The following PCDHGA5 variants were observed in gnomAD, a reference collection of about 807,000 sequenced individuals.
PCDHGA5 encodes protocadherin gamma subfamily A, 5.
PCDHGA5 carries 36 observed loss-of-function variants against 56.7 expected under a neutral mutation model. The observed-to-expected ratio is 0.64, with a 90% CI of 0.49 to 0.84. PCDHGA5 has a LOEUF of 0.84. Among genes scored for constraint, PCDHGA5 ranks in the 40% least tolerant of loss-of-function variants. The probability of loss-of-function intolerance (pLI) is 0.00; values close to 1 mark genes in which losing one functional copy is unlikely to be tolerated. For synonymous variants in PCDHGA5, 563 were observed against 520.2 expected (o/e 1.08, Z -1.12); for missense variants, 1,305 against 1,201.5 (o/e 1.09, Z -1.27).
intron 2 of PCDHGA5, 88 bp from the exon 3 acceptor site, chr5:141,505,305 C>G (rs1363643214): frequency 1.0e-5 from 16 of 1,595,104 alleles, no homozygotes; most frequent in African/African-American, 2.7e-5. Flanking sequence ...GGTTAGGGTA[C>G]TAGGTTTGGG....
chr5:141,375,593 T>C (rs922478028), intron 1 of PCDHGA5: 1 of 1,614,024 alleles, frequency 6.2e-7, no homozygotes, highest in African/African-American at 1.3e-5. Flanking sequence ...CCTGTCCTCC[T>C]ACGTGTCCAT....
chr5:141,478,292 C>T, intron 1 of PCDHGA5: 1 of 1,614,146 alleles, frequency 6.2e-7, no homozygotes, highest in Non-Finnish European at 8.5e-7. Flanking sequence ...GTCTAGAGAC[C>T]TATACCGAGC....
In PCDHGA5 at chr5:141,489,071, CA is replaced by C; in HGVS notation, c.2422-5735del. 3.1e-6 allele frequency: 1 copy of C among 326,700 alleles called. No homozygotes were observed. Among genetic ancestry groups the C allele is most frequent in the East Asian group, 5.9e-5 (1 of 17,012 alleles). 20.2% of individuals were successfully genotyped at this position (326,700 alleles called of 1,614,324 possible). A position where few individuals can be genotyped will look rare whatever the true frequency, so the allele number is the denominator to read the frequency against. On this transcript the variant is annotated intron_variant, in intron 1 of 3. Transcript: ENST00000518069. This position sits in a 1 kb window ranked among gnomAD's most constrained non-coding sequence, Gnocchi z 4.5. Reference sequence around the variant, plus strand: ...AAATTCAGCTCCCCTCCCCCCTGCCCACCCCCGCCACTCGGTGACTAAGAAC... The same window carrying C: ...AAATTCAGCTCCCCTCCCCCCTGCCCCCCCCGCCACTCGGTGACTAAGAAC...
intron 1 of PCDHGA5, chr5:141,419,367 C>T (rs1157934416): frequency 6.2e-7 from 1 of 1,613,652 alleles, no homozygotes; most frequent in Admixed American, 1.7e-5. Context: ...ACGCTGTCGT[C>T]CTACGTGTCC....
intron 1 of PCDHGA5, chr5:141,388,568 AC>A: frequency 6.2e-7 from 1 of 1,613,888 alleles, no homozygotes; most frequent in East Asian, 2.2e-5. Context: ...CTGCACAGAT[AC>A]ACGTTCTAGT....
At chr5:141,458,803 G>A (rs2098953701) in intron 1 of PCDHGA5, among the ~76,000 whole-genome samples, 2 of 152,130 alleles carry the variant, frequency 1.3e-5, no homozygotes, top group African/African-American at 4.8e-5. Flanking sequence ...TGTGATCTCA[G>A]CTCACTGCAA....
chr5:141,482,245 G>A (rs72790067), intron 1 of PCDHGA5, among the ~76,000 whole-genome samples: 74 of 152,252 alleles, frequency 4.9e-4, no homozygotes, highest in Non-Finnish European at 7.9e-4. Flanking sequence ...TATAAGTATA[G>A]TACTGTACAT....
chr5:141,484,930 G>A (rs992641330), intron 1 of PCDHGA5: 2 of 501,452 alleles, frequency 4.0e-6, no homozygotes, highest in South Asian at 2.6e-5. Flanking sequence ...CTGCTGTTGG[G>A]ACGTTCTCTG....
rs374655655 is a variant in PCDHGA5, at chr5:141,431,023, C to A, written c.2422-63784C>A. 1 of 1,613,748 alleles carries A rather than the reference C, an allele frequency of 6.2e-7. No homozygotes were observed. The highest frequency in any genetic ancestry group is 2.2e-5 in the East Asian group (1 of 44,862). On this transcript the variant is annotated intron_variant, in intron 1 of 3. Coordinates refer to ENST00000518069, the MANE Select transcript of PCDHGA5 (RefSeq NM_018918.3). The surrounding 1 kb of genome is among the most constrained non-coding windows in gnomAD (Gnocchi z 4.8). ...GCAGCGGCAGCTTGGTCACGGCGGG[C>A]AGGATAGACCGGGAGGAGCTCTGTA...
intron 1 of PCDHGA5, among the ~76,000 whole-genome samples, chr5:141,482,832 G>A (rs2099573281): frequency 6.6e-6 from 1 of 152,188 alleles, no homozygotes; most frequent in Non-Finnish European, 1.5e-5. Flanking sequence ...AGCACTTTGG[G>A]AGGCCAAGGT....
chr5:141,472,254 T>C (rs1031738513), intron 1 of PCDHGA5, among the ~76,000 whole-genome samples: 1 of 152,074 alleles, frequency 6.6e-6, no homozygotes, highest in Admixed American at 6.6e-5. Context: ...TTTAAAGTTA[T>C]ATTATAGCCG....
intron 1 of PCDHGA5, chr5:141,389,893 T>C (rs764580902): frequency 2.9e-5 from 46 of 1,613,976 alleles, no homozygotes; most frequent in Non-Finnish European, 3.6e-5. Context: ...CAGGAGGTGC[T>C]GCCGGATATC....
At chr5:141,383,189 C>A (rs1588938013) in intron 1 of PCDHGA5, 1 of 1,614,068 alleles carries the variant, frequency 6.2e-7, no homozygotes, top group Non-Finnish European at 8.5e-7. Context: ...GAGATCTGCG[C>A]TCAGAGTGCG....
intron 1 of PCDHGA5, chr5:141,478,865 T>G: frequency 7.5e-7 from 1 of 1,326,190 alleles, no homozygotes; most frequent in Non-Finnish European, 1.0e-6. Context: ...ATCTCAGCGA[T>G]CAGAGTTTAG....
intron 1 of PCDHGA5, among the ~76,000 whole-genome samples, chr5:141,397,821 T>C (rs1225096146): frequency 2.0e-5 from 3 of 152,238 alleles, no homozygotes; most frequent in African/African-American, 7.2e-5. Context: ...AAACAATTAC[T>C]GCACTGGTTA....
intron 1 of PCDHGA5, among the ~76,000 whole-genome samples, chr5:141,369,405 G>A (rs537824749): frequency 6.6e-6 from 1 of 152,288 alleles, no homozygotes; most frequent in Admixed American, 6.5e-5. Flanking sequence ...GGTGGTTCAT[G>A]ACTATAATCC....
At chr5:141,473,212 C>G (rs1311953997) in intron 1 of PCDHGA5, among the ~76,000 whole-genome samples, 1 of 152,012 alleles carries the variant, frequency 6.6e-6, no homozygotes, top group Non-Finnish European at 1.5e-5. Flanking sequence ...AAAATGCTTA[C>G]TTCCAGGGAG....
At chr5:141,497,223 T>G (rs921763195) in intron 2 of PCDHGA5, among the ~76,000 whole-genome samples, 14 of 151,762 alleles carry the variant, frequency 9.2e-5, no homozygotes, top group African/African-American at 3.4e-4. Context: ...GGGGGGAAGA[T>G]CAGAGAAGGC....
Position 141,365,912 on chromosome 5 carries a change from C to G in PCDHGA5, c.1582C>G (p.Leu528Val). Residue 528 changes from leucine (L) to valine (V), a missense_variant, in exon 1 of 4, where the codon CTA becomes GTA. Transcript: ENST00000518069. The stretch of plus-strand genomic sequence containing the variant: ...CTTCGACTATGAGCAGTTGAGAGAC[C>G]TACAGTTGTGGGTGACAGCCAGCGA... ...RSFDYEQLRD[L>V]QLWVTASDSG... is the part of the protein sequence containing the mutation. The G allele has an allele frequency of 6.2e-7, 1 of 1,614,238 alleles. No individual in the cohort carries two copies. The highest frequency in any genetic ancestry group is 8.5e-7 in the Non-Finnish European group (1 of 1,180,048).
Sources: allele counts gnomAD v4.1 joint callset (sites outside exome capture counted in the v4.1 genomes callset), GRCh38; gene constraint gnomAD v4.1.1; non-coding constraint Gnocchi (gnomAD v3.1); transcripts MANE v1.5; gene names NCBI Gene and HGNC (gene_info 2026-07-23, HGNC 2026-07-21).